The following SCP2 variants were observed in gnomAD, a reference collection of about 807,000 sequenced individuals.
SCP2 encodes the protein sterol carrier protein 2.
In SCP2, 48 loss-of-function variants were observed where a neutral mutation model predicts 71.4. The observed-to-expected ratio is 0.67, with a 90% CI of 0.53 to 0.86. The LOEUF is 0.86. Ranked by LOEUF, SCP2 falls within the 40% of genes least tolerant of loss-of-function variation. The pLI is 0.00. For synonymous variants in SCP2, 220 were observed against 218.1 expected, an observed-to-expected ratio of 1.01 and a Z score of -0.08; for missense variants, 560 against 655.6, an observed-to-expected ratio of 0.85 and a Z score of 1.59.
intron 1 of SCP2, among the ~76,000 whole-genome samples, chr1:52,936,367 G>T (rs1653742069): frequency 6.6e-6 from 1 of 152,194 alleles, no homozygotes; most frequent in South Asian, 2.1e-4. Context: ...AGAATCGCTG[G>T]ATGTAGTCTC....
chr1:53,008,793 G>A (rs985373990), intron 11 of SCP2, among the ~76,000 whole-genome samples: 4 of 152,162 alleles, frequency 2.6e-5, no homozygotes, highest in Non-Finnish European at 5.9e-5. Flanking sequence ...AATCAGGCAG[G>A]AGAAAGAAAT....
chr1:52,980,674 T>C, intron 10 of SCP2, 131 bp downstream of exon 10: 2 of 933,790 alleles, frequency 2.1e-6, no homozygotes, highest in Non-Finnish European at 3.4e-6. Flanking sequence ...GGGAAATGAA[T>C]GTAAGCTGTT....
chr1:52,932,609 A>T (rs1653265314), intron 1 of SCP2, among the ~76,000 whole-genome samples: 1 of 152,204 alleles, frequency 6.6e-6, no homozygotes, highest in African/African-American at 2.4e-5. Flanking sequence ...TATGTTCTGG[A>T]TGGGTCCAGG....
intron 1 of SCP2, among the ~76,000 whole-genome samples, chr1:52,938,944 A>G (rs1377385030): frequency 6.6e-6 from 1 of 152,224 alleles, no homozygotes; most frequent in Non-Finnish European, 1.5e-5. Context: ...TCTGTGTTCC[A>G]CATATTCATC....
At chr1:53,020,611 T>C (rs928710214) in intron 12 of SCP2, among the ~76,000 whole-genome samples, 20 of 152,214 alleles carry the variant, frequency 1.3e-4, no homozygotes, top group African/African-American at 4.6e-4. Context: ...AAAATGGTTT[T>C]ATTTATTAAT....
chr1:52,985,820 T>TCTTTGA (rs1306646397), intron 10 of SCP2, among the ~76,000 whole-genome samples: 1 of 152,122 alleles, frequency 6.6e-6, no homozygotes, highest in Non-Finnish European at 1.5e-5. Flanking sequence ...TCCCTTCAGG[T>TCTTTGA]CTTTGACTAA....
chr1:52,935,656 G>T (rs1221503552), intron 1 of SCP2, among the ~76,000 whole-genome samples: 1 of 151,844 alleles, frequency 6.6e-6, no homozygotes, highest in East Asian at 1.9e-4. Flanking sequence ...ACACTCGGTT[G>T]GGTCTAGTGA....
chr1:52,967,007 G>A (rs2150151558), intron 6 of SCP2, among the ~76,000 whole-genome samples: 1 of 152,078 alleles, frequency 6.6e-6, no homozygotes, highest in African/African-American at 2.4e-5. Context: ...GGTCAGCATG[G>A]TGAAACCCTG....
intron 11 of SCP2, among the ~76,000 whole-genome samples, chr1:53,011,581 C>G (rs1660991295): frequency 6.6e-6 from 1 of 152,156 alleles, no homozygotes; most frequent in African/African-American, 2.4e-5. Context: ...ATGTTTGCAG[C>G]AAGATGATGT....
At chr1:53,035,136 A>G (rs1379696695) in intron 13 of SCP2, among the ~76,000 whole-genome samples, 1 of 152,042 alleles carries the variant, frequency 6.6e-6, no homozygotes, top group Non-Finnish European at 1.5e-5. Flanking sequence ...ATATGATACC[A>G]AAAGGAAGAA....
At chr1:52,948,218 GA>G (rs962510061) in intron 3 of SCP2, 138 bp downstream of exon 3, 32 of 677,076 alleles carry the variant, frequency 4.7e-5, no homozygotes, top group South Asian at 1.8e-4. Flanking sequence ...GAAGAAAAAA[GA>G]AAAAAATCTC....
intron 5 of SCP2, among the ~76,000 whole-genome samples, chr1:52,957,211 G>T (rs76696692): frequency 3.4e-5 from 2 of 58,566 alleles, no homozygotes; most frequent in Non-Finnish European, 7.9e-5. Flanking sequence ...CCTGGCCCCT[G>T]GCCCCTGGCC....
intron 10 of SCP2, among the ~76,000 whole-genome samples, chr1:52,981,780 AT>A (rs773228678): frequency 1.3e-5 from 2 of 150,048 alleles, no homozygotes; most frequent in East Asian, 3.9e-4. Flanking sequence ...TTTTATATAT[AT>A]ATAAAATGTA....
Position 53,050,955 on chromosome 1 carries a change from T to C in SCP2, c.*251T>C, listed in dbSNP as rs1274972584. On this transcript the variant is annotated 3_prime_UTR_variant, in exon 16 of 16. Transcript: ENST00000371514. ...TTAATATGGTAATTATGGTCTGGGGTAAAATTGAGTTTCAGAATAAAATTA... is the reference window on the plus strand; with the variant it reads ...TTAATATGGTAATTATGGTCTGGGGCAAAATTGAGTTTCAGAATAAAATTA... 11 of 306,912 alleles carry C rather than the reference T, an allele frequency of 3.6e-5. No homozygotes were observed. The highest frequency in any genetic ancestry group is 1.9e-4 in the Admixed American group (4 of 21,562). The allele number at this position is 306,912 out of a possible 1,614,324, so 19.0% of individuals were successfully genotyped here. A position where few individuals can be genotyped will look rare whatever the true frequency, so the allele number is the denominator to read the frequency against.
intron 12 of SCP2, among the ~76,000 whole-genome samples, chr1:53,025,106 C>A (rs1389640520): frequency 6.6e-6 from 1 of 152,152 alleles, no homozygotes; most frequent in Non-Finnish European, 1.5e-5. Flanking sequence ...CTGAAAACTG[C>A]TTTTGTCAAG....
Position 53,050,602 on chromosome 1 carries a change from T to A in SCP2, c.1549-7T>A, listed in dbSNP as rs1428936776. The A allele has an allele frequency of 1.2e-6, 2 of 1,602,372 alleles. No individual in the cohort carries two copies. Among genetic ancestry groups the A allele is most frequent in the South Asian group, 2.2e-5 (2 of 90,862 alleles). On this transcript the variant is annotated splice_region_variant and splice_polypyrimidine_tract_variant and intron_variant, in intron 15 of 15. Coordinates refer to ENST00000371514, the MANE Select transcript of SCP2 (RefSeq NM_002979.5). ...ACCAAGTAATGAATTTTCTTTCTTC[T>A]TCACAGGCCTTCTTTCAAGGCAAAT...
intron 5 of SCP2, among the ~76,000 whole-genome samples, chr1:52,960,435 T>A: frequency 6.6e-6 from 1 of 150,940 alleles, no homozygotes; most frequent in African/African-American, 2.4e-5. Context: ...CCTGCCAAAG[T>A]GTTGGGATTA....
intron 3 of SCP2, 73 bp from the exon 4 acceptor site, chr1:52,950,682 A>T: frequency 8.1e-7 from 1 of 1,231,642 alleles, no homozygotes; most frequent in Non-Finnish European, 1.2e-6. Flanking sequence ...TATTGAAAAA[A>T]CCCATAATGT....
intron 6 of SCP2, among the ~76,000 whole-genome samples, chr1:52,965,089 A>G (rs1359461366): frequency 2.6e-5 from 4 of 152,222 alleles, no homozygotes; most frequent in Admixed American, 6.5e-5. Flanking sequence ...CAGTTCTTTC[A>G]TAGTCACTAC....
Sources: gnomAD v4.1 joint callset for allele counts (sites outside exome capture counted in the v4.1 genomes callset) on GRCh38, gnomAD v4.1.1 for gene constraint, MANE v1.5 for transcripts, NCBI Gene and HGNC (gene_info 2026-07-23, HGNC 2026-07-21) for gene names.